Variants in AIG1 observed in about 807,000 individuals in gnomAD.
AIG1 encodes the protein androgen induced 1.
A neutral mutation model predicts 31.4 loss-of-function variants in AIG1; 23 were observed. That is an observed-to-expected ratio of 0.73 (90% CI 0.53 to 1.04). The LOEUF is 1.04. Among genes scored for constraint, AIG1 ranks in the 50% least tolerant of loss-of-function variants. AIG1 has a pLI of 0.00. For synonymous variants in AIG1, 100 were observed against 110.5 expected, an observed-to-expected ratio of 0.90 and a Z score of 0.60; for missense variants, 274 against 295.0, an observed-to-expected ratio of 0.93 and a Z score of 0.52.
chr6:143,237,427 G>T (rs1793890446), intron 3 of AIG1, among the ~76,000 whole-genome samples: 1 of 152,122 alleles, frequency 6.6e-6, no homozygotes. Flanking sequence ...GGAACATACG[G>T]TATGCAGGCA....
chr6:143,227,626 G>A (rs1793097343), intron 3 of AIG1, among the ~76,000 whole-genome samples: 1 of 152,114 alleles, frequency 6.6e-6, no homozygotes, highest in African/African-American at 2.4e-5. Context: ...TGATCTCTTT[G>A]GAGTAATTTT....
At chr6:143,287,841 G>T (rs555103107) in intron 4 of AIG1, among the ~76,000 whole-genome samples, 50 of 150,910 alleles carry the variant, frequency 3.3e-4, no homozygotes, top group Non-Finnish European at 2.8e-4. Flanking sequence ...CCTTTTCAAG[G>T]CTTGAGAATT....
In AIG1 at chr6:143,157,884, T is replaced by A. The variant is rs1287489188; in HGVS notation, c.298-7198T>A. 3.3e-5 allele frequency among the ~76,000 whole-genome samples: 5 copies of A among 152,324 alleles called. No individual in the cohort carries two copies. In the East Asian group the frequency reaches 9.7e-4, roughly 29 times the overall value. On this transcript the variant is annotated intron_variant, in intron 2 of 5. Coordinates refer to ENST00000357847, the MANE Select transcript of AIG1 (RefSeq NM_016108.4). ...CATATTCCTCTCTATGTTTTTTGTG[T>A]TATCTATGACTACATTCCATACTGT...
chr6:143,140,571 C>T (rs889653638), intron 2 of AIG1, among the ~76,000 whole-genome samples: 1 of 152,160 alleles, frequency 6.6e-6, no homozygotes, highest in South Asian at 2.1e-4. Context: ...CTCCCTGGAG[C>T]AATGCCACAA....
At chr6:143,137,685 A>G (rs1389110466) in intron 2 of AIG1, among the ~76,000 whole-genome samples, 1 of 152,184 alleles carries the variant, frequency 6.6e-6, no homozygotes, top group African/African-American at 2.4e-5. Context: ...TCATAACTCA[A>G]CTTCCTTCAC....
At chr6:143,276,491 C>T (rs150445146) in intron 3 of AIG1, among the ~76,000 whole-genome samples, 6 of 152,234 alleles carry the variant, frequency 3.9e-5, no homozygotes, top group Non-Finnish European at 8.8e-5. Flanking sequence ...CCGGCAGGAA[C>T]AGGTATCCAA....
chr6:143,162,770 T>C (rs1786518358), intron 2 of AIG1, among the ~76,000 whole-genome samples: 1 of 152,178 alleles, frequency 6.6e-6, no homozygotes, highest in Admixed American at 6.5e-5. Context: ...CACACATTTA[T>C]CGCACAGTCT....
chr6:143,309,793 G>A (rs1189599947), intron 4 of AIG1, among the ~76,000 whole-genome samples: 3 of 151,836 alleles, frequency 2.0e-5, no homozygotes, highest in African/African-American at 7.2e-5. Context: ...TGGGCTAAGA[G>A]TAAAATGATG....
rs138015063 is a variant in AIG1 at position 143,166,351 on chromosome 6, A to G, written c.399+1168A>G. ...GGCATGGTTACTATGGCCTTCTCCA[A>G]CTTTTTCCTTTTCTTGAATGTGAAA... On this transcript the variant is annotated intron_variant, in intron 3 of 5. Transcript: ENST00000357847. Among the ~76,000 whole-genome samples the G allele has an allele frequency of 6.1e-3, 929 of 152,212 alleles. 10 individuals carry two copies. The highest frequency in any genetic ancestry group is 0.021 in the African/African-American group (889 of 41,522).
upstream of AIG1, chr6:143,060,768 C>G (rs1309037628): frequency 5.8e-6 from 1 of 171,458 alleles, no homozygotes; most frequent in Admixed American, 6.9e-5. Context: ...CGCGCCAGTC[C>G]CCGGGGGCGC....
At chr6:143,296,681 C>T (rs1798448048) in intron 4 of AIG1, among the ~76,000 whole-genome samples, 1 of 152,100 alleles carries the variant, frequency 6.6e-6, no homozygotes, top group Admixed American at 6.5e-5. Context: ...AGCTTATACC[C>T]CAAGAGTCAA....
intron 2 of AIG1, among the ~76,000 whole-genome samples, chr6:143,164,098 A>T (rs912307667): frequency 3.3e-5 from 5 of 152,298 alleles, no homozygotes; most frequent in Admixed American, 2.0e-4. Flanking sequence ...TTATTAATAA[A>T]ATATGGGAGC....
chr6:143,117,395 G>A (rs1446280457), intron 1 of AIG1, among the ~76,000 whole-genome samples: 1 of 152,160 alleles, frequency 6.6e-6, no homozygotes, highest in Non-Finnish European at 1.5e-5. Flanking sequence ...CAGTAGATGT[G>A]GTGCACAGGG....
chr6:143,280,638 G>A lies in AIG1; in HGVS notation c.400-3472G>A, dbSNP rs199973146. Reference sequence around the variant, plus strand: ...ATGCAGGAACAGAAAACCAAACACCGCATGTTCTCACTTATAAGTGGGAGC... The same window carrying A: ...ATGCAGGAACAGAAAACCAAACACCACATGTTCTCACTTATAAGTGGGAGC... On this transcript the variant is annotated intron_variant, in intron 3 of 5. Transcript: ENST00000357847. This position sits in a 1 kb window ranked among gnomAD's most constrained non-coding sequence, Gnocchi z 4.1. Among the ~76,000 whole-genome samples the A allele has an allele frequency of 2.6e-5, 4 of 152,128 alleles. No homozygotes were observed. The highest frequency in any genetic ancestry group is 2.1e-4 in the South Asian group (1 of 4,826).
chr6:143,225,835 C>G (rs1792903912), intron 3 of AIG1, among the ~76,000 whole-genome samples: 1 of 152,162 alleles, frequency 6.6e-6, no homozygotes, highest in Non-Finnish European at 1.5e-5. Flanking sequence ...GTTTCTGTTT[C>G]AATTTTAGAG....
chr6:143,243,439 C>T (rs1216301221), intron 3 of AIG1, among the ~76,000 whole-genome samples: 4 of 152,152 alleles, frequency 2.6e-5, no homozygotes, highest in African/African-American at 7.2e-5. Flanking sequence ...CAAGGTGCTT[C>T]CCATAATTAT....
At chr6:143,285,081 AC>A (rs1797596758) in intron 4 of AIG1, among the ~76,000 whole-genome samples, 1 of 151,254 alleles carries the variant, frequency 6.6e-6, no homozygotes, top group Non-Finnish European at 1.5e-5. Context: ...TCTTCCAAAA[AC>A]CCCTCAATTG....
intron 4 of AIG1, among the ~76,000 whole-genome samples, chr6:143,301,347 G>T (rs554349939): frequency 6.6e-6 from 1 of 152,292 alleles, no homozygotes; most frequent in South Asian, 2.1e-4. Context: ...TCACCACAAA[G>T]GCCATCAGGT....
chr6:143,188,052 G>A, intron 3 of AIG1: 1 of 1,073,334 alleles, frequency 9.3e-7, no homozygotes, highest in Non-Finnish European at 1.1e-6. Context: ...AAAAACATTT[G>A]CTGAAGGAGA....
Sources: allele counts gnomAD v4.1 joint callset (sites outside exome capture counted in the v4.1 genomes callset), GRCh38; gene constraint gnomAD v4.1.1; non-coding constraint Gnocchi (gnomAD v3.1); transcripts MANE v1.5; gene names NCBI Gene and HGNC (gene_info 2026-07-23, HGNC 2026-07-21).